The following STX16 variants were observed in gnomAD, a reference collection of about 807,000 sequenced individuals.
The protein encoded by STX16 is syntaxin-16.
A neutral mutation model predicts 42.7 loss-of-function variants in STX16; 28 were observed. The ratio of observed to expected loss-of-function variants is 0.66; its 90% CI spans 0.49 to 0.90. The LOEUF is 0.90. Among genes scored for constraint, STX16 ranks in the 40% least tolerant of loss-of-function variants. The pLI, the probability that STX16 is intolerant of heterozygous loss-of-function variation, is 0.00. For synonymous variants in STX16, 156 were observed against 155.2 expected, an observed-to-expected ratio of 1.00 and a Z score of -0.04; for missense variants, 361 against 420.9, an observed-to-expected ratio of 0.86 and a Z score of 1.24.
At chr20:58,673,771 GTAAGAGGGTTCTTTTCCACCA>G (rs1463647381) in intron 8 of STX16, 60 bp downstream of exon 8, 2 of 1,246,864 alleles carry the variant, frequency 1.6e-6, no homozygotes, top group Non-Finnish European at 2.3e-6. Context: ...TCAAGAATTG[GTAAGAGGGTTCTTTTCCACCA>G]TAACGATCTT....
chr20:58,666,409 TTG>T (rs897637012), intron 2 of STX16, among the ~76,000 whole-genome samples: 3 of 147,444 alleles, frequency 2.0e-5, no homozygotes, highest in African/African-American at 2.6e-5. Flanking sequence ...CCTCTGTTTT[TTG>T]TGTGTGTGTG....
chr20:58,672,623 T>G (rs1024406343), intron 7 of STX16, among the ~76,000 whole-genome samples: 2 of 152,162 alleles, frequency 1.3e-5, no homozygotes, highest in African/African-American at 4.8e-5. Context: ...TATAAGAATA[T>G]TAATAAATCT....
rs570200564 is a variant in STX16, at chr20:58,662,417, TGTTA to T, written c.144+2787_144+2790del. ...CTTTTTCTTCCCCTCAGAGTATGTA[TGTTA>T]GTTGAGAAAAAAGGAAAATCAGTGA... On this transcript the variant is annotated intron_variant, in intron 2 of 8. Transcript: ENST00000371141. Among the ~76,000 whole-genome samples, 368 of 152,322 alleles carry T rather than the reference TGTTA, an allele frequency of 2.4e-3. 1 individual carries two copies. The highest frequency in any genetic ancestry group is 8.4e-3 in the African/African-American group (350 of 41,596).
At position 58,676,354 on chromosome 20, in the gene STX16, G is replaced by T; in HGVS notation, c.*63G>T. The T allele has an allele frequency of 6.9e-7, 1 of 1,458,412 alleles. No homozygotes were observed. The highest frequency in any genetic ancestry group is 9.6e-7 in the Non-Finnish European group (1 of 1,040,958). The allele number at this position is 1,458,412 out of a possible 1,614,324, so 90.3% of individuals were successfully genotyped here. ...CTCCCGGGTGTGAGGGGCTTGGCCT[G>T]CGCCCCGCCAGCTGCCCGCAGAGGT... On this transcript the variant is annotated 3_prime_UTR_variant, in exon 9 of 9. Coordinates refer to ENST00000371141, the MANE Select transcript of STX16 (RefSeq NM_001001433.3).
Position 58,657,106 on chromosome 20 carries a change from C to G in STX16, c.133-2517C>G, listed in dbSNP as rs773290932. Reference sequence around the variant, plus strand: ...CTGCAGATCCTGGAAAATGGAAGGACCTATTGTTTTAAAACAATTTTTTTT... The same window carrying G: ...CTGCAGATCCTGGAAAATGGAAGGAGCTATTGTTTTAAAACAATTTTTTTT... On this transcript the variant is annotated intron_variant, in intron 1 of 8. Transcript: ENST00000371141. The surrounding 1 kb of genome is among the most constrained non-coding windows in gnomAD (Gnocchi z 4.2). 6.6e-6 allele frequency among the ~76,000 whole-genome samples: 1 copy of G among 152,158 alleles called. No homozygotes were observed. Among genetic ancestry groups the G allele is most frequent in the Non-Finnish European group, 1.5e-5 (1 of 68,030 alleles).
chr20:58,678,265 T>G lies in STX16; in HGVS notation c.*1974T>G, dbSNP rs1285357463. ...AGTGACCCTTTAAGAGAGGATCATC[T>G]TTTTTTATATTTATTTTCACCAAAT... is the stretch of plus-strand genomic sequence containing the variant. On this transcript the variant is annotated 3_prime_UTR_variant, in exon 9 of 9. Transcript: ENST00000371141. 1.3e-5 allele frequency: 2 copies of G among 152,204 alleles called. No individual in the cohort carries two copies. Among genetic ancestry groups the G allele is most frequent in the East Asian group, 3.8e-4 (2 of 5,204 alleles). 9.4% of individuals were successfully genotyped at this position (152,204 alleles called of 1,614,324 possible).
At position 58,673,711 on chromosome 20, in the gene STX16, G is replaced by A. The variant is rs760231153; in HGVS notation, c.873G>A (p.Lys291=). ...KTEDGLKQLH[K]AEQYQKKNRK... is the part of the protein sequence containing the mutation. ...AAGATGGTTTGAAACAGCTTCACAA[G>A]GTAATATGTCTTTCAAGACTTGGGA... The change falls in exon 8 of 9, where the codon AAG becomes AAA. Residue 291 remains lysine (K), a splice_region_variant and synonymous_variant. Coordinates refer to ENST00000371141, the MANE Select transcript of STX16 (RefSeq NM_001001433.3). The A allele has an allele frequency of 6.2e-7, 1 of 1,604,802 alleles. No homozygotes were observed. Among genetic ancestry groups the A allele is most frequent in the South Asian group, 1.1e-5 (1 of 90,878 alleles).
chr20:58,670,020 G>A (rs1411082416), intron 5 of STX16, among the ~76,000 whole-genome samples: 2 of 152,044 alleles, frequency 1.3e-5, no homozygotes, highest in African/African-American at 2.4e-5. Context: ...TTTTAAAATT[G>A]CCCTTGCAAT....
Position 58,669,274 on chromosome 20 carries a change from C to T in STX16, c.394-17C>T, listed in dbSNP as rs776328870. Reference sequence around the variant, plus strand: ...TCTCTCCCAGGCTTGCCCTGAGCCTCGGGCTTGTTCTCTTAGCTCTTCCAC... The same window carrying T: ...TCTCTCCCAGGCTTGCCCTGAGCCTTGGGCTTGTTCTCTTAGCTCTTCCAC... On this transcript the variant is annotated splice_polypyrimidine_tract_variant and intron_variant, in intron 4 of 8. Coordinates refer to ENST00000371141, the MANE Select transcript of STX16 (RefSeq NM_001001433.3). 14 of 1,607,810 alleles carry T rather than the reference C, an allele frequency of 8.7e-6. No individual in the cohort carries two copies. In the African/African-American group the frequency reaches 1.2e-4, roughly 14 times the overall value.
intron 1 of STX16, among the ~76,000 whole-genome samples, chr20:58,655,160 G>A (rs1006360418): frequency 6.6e-6 from 1 of 151,862 alleles, no homozygotes; most frequent in African/African-American, 2.4e-5. Flanking sequence ...TGATGCATTT[G>A]ATACCAACTA....
chr20:58,667,447 T>C (rs2083862819), intron 2 of STX16, 43 bp from the exon 3 acceptor site: 1 of 1,487,614 alleles, frequency 6.7e-7, no homozygotes, highest in Non-Finnish European at 9.4e-7. Context: ...GTATCTAAAT[T>C]GGATTAGAAT....
intron 1 of STX16, among the ~76,000 whole-genome samples, chr20:58,652,500 G>A (rs1224735348): frequency 6.6e-6 from 1 of 151,370 alleles, no homozygotes; most frequent in African/African-American, 2.4e-5. Context: ...TTTGTTTGAA[G>A]CTCCCCTCCC....
At chr20:58,652,227 A>G in intron 1 of STX16, 89 bp downstream of exon 1, 2 of 1,550,458 alleles carry the variant, frequency 1.3e-6, no homozygotes, top group Middle Eastern at 1.7e-4. Context: ...CTCTGTTTAA[A>G]AAGAGAAGAT....
At chr20:58,675,829 G>A (rs1023779689) in intron 8 of STX16, among the ~76,000 whole-genome samples, 1 of 152,196 alleles carries the variant, frequency 6.6e-6, no homozygotes, top group Admixed American at 6.5e-5. Flanking sequence ...GGGAACAGGC[G>A]ACCCGTGCTG....
intron 1 of STX16, among the ~76,000 whole-genome samples, chr20:58,653,439 A>G (rs1443901473): frequency 6.6e-6 from 1 of 152,236 alleles, no homozygotes; most frequent in East Asian, 1.9e-4. Context: ...AAAAGCATGT[A>G]AACTCAGGTC....
At chr20:58,669,193 C>T in intron 4 of STX16, 98 bp from the exon 5 acceptor site, 1 of 1,300,868 alleles carries the variant, frequency 7.7e-7, no homozygotes. Flanking sequence ...ACTGAGTGAA[C>T]AGAGCCTCTC....
At chr20:58,652,390 CCG>C (rs1419732617) in intron 1 of STX16, 5 of 601,086 alleles carry the variant, frequency 8.3e-6, no homozygotes, top group Non-Finnish European at 1.5e-5. Context: ...CCCGCACCCC[CCG>C]CCTTGGCGTC....
chr20:58,653,147 T>C (rs1304472926), intron 1 of STX16, among the ~76,000 whole-genome samples: 1 of 152,236 alleles, frequency 6.6e-6, no homozygotes, highest in Non-Finnish European at 1.5e-5. Flanking sequence ...AGAAGCAGCG[T>C]TGGAACAGGC....
rs1452214599 is a variant in STX16 at position 58,677,356 on chromosome 20, T to C, written c.*1065T>C. 1 of 152,660 alleles carries C rather than the reference T, an allele frequency of 6.6e-6. No homozygotes were observed. Among genetic ancestry groups the C allele is most frequent in the Non-Finnish European group, 1.5e-5 (1 of 68,048 alleles). 9.5% of individuals were successfully genotyped at this position (152,660 alleles called of 1,614,324 possible). ...TCCACCAGCGATTTGATTTATTGGC[T>C]CTTCCATTGCCACTGAGCAATGCCC... On this transcript the variant is annotated 3_prime_UTR_variant, in exon 9 of 9. Coordinates refer to ENST00000371141, the MANE Select transcript of STX16 (RefSeq NM_001001433.3).
Sources: allele counts gnomAD v4.1 joint callset (sites outside exome capture counted in the v4.1 genomes callset), GRCh38; gene constraint gnomAD v4.1.1; non-coding constraint Gnocchi (gnomAD v3.1); transcripts MANE v1.5; gene names NCBI Gene and HGNC (gene_info 2026-07-23, HGNC 2026-07-21).